The following TUSC3 variants were observed in gnomAD, a reference collection of about 807,000 sequenced individuals.
The protein encoded by TUSC3 is dolichyl-diphosphooligosaccharide--protein glycosyltransferase subunit TUSC3.
TUSC3 carries 45 observed loss-of-function variants against 44.8 expected under a neutral mutation model. That is an observed-to-expected ratio of 1.00 (90% CI 0.79 to 1.29). The LOEUF (loss-of-function observed/expected upper bound fraction) is 1.29. TUSC3 is among the 50% of genes most tolerant of loss of function. The pLI is 0.00. For synonymous variants in TUSC3, 212 were observed against 152.9 expected (o/e 1.39, Z -2.85); for missense variants, 519 against 437.9 (o/e 1.19, Z -1.65).
chr8:15,623,746 C>T (rs1022058991), intron 2 of TUSC3, among the ~76,000 whole-genome samples: 4 of 151,740 alleles, frequency 2.6e-5, no homozygotes, highest in African/African-American at 9.7e-5. Flanking sequence ...AATACTTGTC[C>T]AAAAGTATAC....
At chr8:15,624,791 T>G (rs2129165270) in intron 2 of TUSC3, among the ~76,000 whole-genome samples, 1 of 152,314 alleles carries the variant, frequency 6.6e-6, no homozygotes. Flanking sequence ...GTTTTAATTT[T>G]GATGAAGTTC....
chr8:15,648,409 G>T (rs1312865676), intron 2 of TUSC3, among the ~76,000 whole-genome samples: 1 of 152,108 alleles, frequency 6.6e-6, no homozygotes, highest in Non-Finnish European at 1.5e-5. Context: ...TCTGAGGGTT[G>T]TATGTGCAGT....
chr8:15,562,778 C>G (rs371482719), intron 1 of TUSC3, among the ~76,000 whole-genome samples: 1 of 152,148 alleles, frequency 6.6e-6, no homozygotes, highest in South Asian at 2.1e-4. Flanking sequence ...AGGCAGTTCA[C>G]AGCATGGCTA....
At chr8:15,676,180 T>G (rs552067172) in intron 6 of TUSC3, among the ~76,000 whole-genome samples, 1 of 152,152 alleles carries the variant, frequency 6.6e-6, no homozygotes, top group Non-Finnish European at 1.5e-5. Flanking sequence ...TCTCTGATGA[T>G]TAGAAATTAA....
intron 1 of TUSC3, among the ~76,000 whole-genome samples, chr8:15,572,721 TG>T (rs1199909810): frequency 1.3e-5 from 2 of 152,144 alleles, no homozygotes; most frequent in African/African-American, 4.8e-5. Flanking sequence ...AGGTCATTGT[TG>T]GGTTATTCAT....
chr8:15,629,322 G>A (rs555059990), intron 2 of TUSC3, among the ~76,000 whole-genome samples: 14 of 152,156 alleles, frequency 9.2e-5, no homozygotes, highest in Admixed American at 5.9e-4. Context: ...GTAGAGAAGT[G>A]GTCTTGAGGT....
intron 1 of TUSC3, among the ~76,000 whole-genome samples, chr8:15,423,969 G>GTTTTTTTTTTTTTTTTTTTTTT (rs112397215): frequency 5.7e-5 from 4 of 70,360 alleles, no homozygotes; most frequent in African/African-American, 8.2e-5. Context: ...GTTTTGCTTT[G>GTTTTTTTTTTTTTTTTTTTTTT]TTTTTTTTTT....
intron 2 of TUSC3, among the ~76,000 whole-genome samples, chr8:15,647,967 T>C (rs955979831): frequency 6.6e-6 from 1 of 152,196 alleles, no homozygotes. Flanking sequence ...TATCCCAGTA[T>C]CTCTCCAGGT....
intron 1 of TUSC3, among the ~76,000 whole-genome samples, chr8:15,559,364 C>T (rs1193531169): frequency 2.0e-5 from 3 of 148,686 alleles, no homozygotes; most frequent in Admixed American, 6.7e-5. Flanking sequence ...TGTGGTCTGA[C>T]AGACAGTTTG....
intron 1 of TUSC3, among the ~76,000 whole-genome samples, chr8:15,596,010 A>G (rs1563124892): frequency 6.6e-6 from 1 of 152,188 alleles, no homozygotes. Flanking sequence ...TGTGGGTAAA[A>G]TAGGTCCAAG....
chr8:15,417,344 G>C (rs1478114297), intron 1 of TUSC3: 4 of 152,234 alleles, frequency 2.6e-5, no homozygotes. Flanking sequence ...AAATTACACA[G>C]TCTCAGGTAT....
chr8:15,717,320 A>C lies in TUSC3; in HGVS notation c.799-13346A>C, dbSNP rs528654563. Among the ~76,000 whole-genome samples, 17 of 152,228 alleles carry C rather than the reference A, an allele frequency of 1.1e-4. No individual in the cohort carries two copies. In the South Asian group the frequency reaches 3.5e-3, roughly 32 times the overall value. On this transcript the variant is annotated intron_variant, in intron 6 of 10. Coordinates refer to ENST00000503731, the MANE Select transcript of TUSC3 (RefSeq NM_006765.4). ...ATCATTTTTTGAGATGAATCAGGAA[A>C]AGAGATGGAACAGCCTTAAGAACCT...
At chr8:15,809,011 G>C in the TUSC3 span, among the ~76,000 whole-genome samples, 7 of 152,150 alleles carry the variant, frequency 4.6e-5, no homozygotes, top group Non-Finnish European at 1.0e-4. Context: ...CTCACTGCTT[G>C]AAAGGCCAAA....
intron 6 of TUSC3, among the ~76,000 whole-genome samples, chr8:15,692,371 C>CCT (rs1563175839): frequency 1.2e-3 from 22 of 18,816 alleles, no homozygotes; most frequent in Middle Eastern, 0.14. Flanking sequence ...CCCCCCCCCC[C>CCT]TTTGTTTTTT....
chr8:15,731,617 G>T (rs903148593), intron 7 of TUSC3, among the ~76,000 whole-genome samples: 5 of 152,128 alleles, frequency 3.3e-5, no homozygotes, highest in African/African-American at 7.2e-5. Context: ...TTAGAATTCA[G>T]TTGTCTTTTT....
chr8:15,584,453 A>G (rs1803510907), intron 1 of TUSC3, among the ~76,000 whole-genome samples: 1 of 152,218 alleles, frequency 6.6e-6, no homozygotes, highest in African/African-American at 2.4e-5. Flanking sequence ...TTACATGTTC[A>G]GGGGAATCTA....
chr8:15,644,955 T>A (rs1806559341), intron 2 of TUSC3, among the ~76,000 whole-genome samples: 1 of 152,166 alleles, frequency 6.6e-6, no homozygotes, highest in African/African-American at 2.4e-5. Flanking sequence ...TCCCTAAGTA[T>A]ATTGTCTACA....
intron 5 of TUSC3, among the ~76,000 whole-genome samples, chr8:15,669,455 C>T (rs1807842046): frequency 6.6e-6 from 1 of 151,622 alleles, no homozygotes; most frequent in African/African-American, 2.4e-5. Context: ...AACTGATAGG[C>T]CAGTCTTTCT....
At chr8:15,530,955 GA>G (rs1479426323) in intron 2 of TUSC3, among the ~76,000 whole-genome samples, 1 of 152,244 alleles carries the variant, frequency 6.6e-6, no homozygotes, top group East Asian at 1.9e-4. Flanking sequence ...TGTCACCCCA[GA>G]AAACACTGCT....
Sources: gnomAD v4.1 joint callset for allele counts (sites outside exome capture counted in the v4.1 genomes callset) on GRCh38, gnomAD v4.1.1 for gene constraint, MANE v1.5 for transcripts, NCBI Gene and HGNC (gene_info 2026-07-23, HGNC 2026-07-21) for gene names.